The following BECN2 variants were observed in gnomAD, a reference collection of about 807,000 sequenced individuals.
BECN2 encodes the protein beclin-2.
For synonymous variants in BECN2, 173 were observed against 220.1 expected (o/e 0.79, Z 1.90); for missense variants, 428 against 507.9 (o/e 0.84, Z 1.51).
At position 241,958,557 on chromosome 1, in the gene BECN2, T is replaced by G. The variant is rs914214553; in HGVS notation, c.791T>G (p.Leu264Trp). 8.9e-6 allele frequency: 11 copies of G among 1,231,644 alleles called. No individual in the cohort carries two copies. Among genetic ancestry groups the G allele is most frequent in the Non-Finnish European group, 1.1e-5 (11 of 988,024 alleles). 76.3% of individuals were successfully genotyped at this position (1,231,644 alleles called of 1,614,324 possible). The change falls in exon 1 of 1, where the codon TTG becomes TGG. Residue 264 changes from leucine to tryptophan, a missense_variant. Coordinates refer to ENST00000419583, the MANE Select transcript of BECN2 (RefSeq NM_001290693.1). ...TTTGAGATCTGGGTGGAGGGCCCCT[T>G]GGGCGTCATCAATAACTTCAGGTTG... Reference protein sequence around the residue: ...ATFEIWVEGPLGVINNFRLGR... With the variant: ...ATFEIWVEGPWGVINNFRLGR...
At position 241,958,964 on chromosome 1, in the gene BECN2, C is replaced by G. The variant is rs1489741077; in HGVS notation, c.1198C>G (p.His400Asp). ...AGGGGAATGCTATTCCATCAGAACC[C>G]ATCTGAACACGCAGGAGCTGTGGAC... ...GRGECYSIRT[H>D]LNTQELWTKA... Residue 400 changes from histidine to aspartate, a missense_variant, in exon 1 of 1, where the codon CAT (histidine) becomes GAT (aspartate). Coordinates refer to ENST00000419583, the MANE Select transcript of BECN2 (RefSeq NM_001290693.1). 5.7e-6 allele frequency: 7 copies of G among 1,231,638 alleles called. No homozygotes were observed. The highest frequency in any genetic ancestry group is 3.1e-4 in the Middle Eastern group (1 of 3,230). 76.3% of individuals were successfully genotyped at this position (1,231,638 alleles called of 1,614,324 possible).
Position 241,957,882 on chromosome 1 carries a change from C to G in BECN2, c.116C>G (p.Pro39Arg). 8.1e-7 allele frequency: 1 copy of G among 1,231,342 alleles called. No homozygotes were observed. The highest frequency in any genetic ancestry group is 1.6e-5 in the African/African-American group (1 of 64,128). 76.3% of individuals were successfully genotyped at this position (1,231,342 alleles called of 1,614,324 possible). A position where few individuals can be genotyped will look rare whatever the true frequency, so the allele number is the denominator to read the frequency against. ...APAPTSGQAEPGDTREPGVTT... is the reference protein window; with the variant it reads ...APAPTSGQAERGDTREPGVTT... ...GCGCCCACCTCTGGGCAGGCTGAGCCCGGAGACACCCGGGAGCCCGGCGTC... is the reference window on the plus strand; with the variant it reads ...GCGCCCACCTCTGGGCAGGCTGAGCGCGGAGACACCCGGGAGCCCGGCGTC... Residue 39 changes from proline to arginine, a missense_variant, in exon 1 of 1, where the codon CCC (proline) becomes CGC (arginine). Pro to Arg is a moderately radical substitution (Grantham distance 103, BLOSUM62 -2). Coordinates refer to ENST00000419583, the MANE Select transcript of BECN2 (RefSeq NM_001290693.1).
rs149609148 is a variant in BECN2, at chr1:241,958,761, C to T, written c.995C>T (p.Pro332Leu). The change falls in exon 1 of 1, where the codon CCG (proline) becomes CTG (leucine). Residue 332 changes from proline (P) to leucine (L), a missense_variant. Transcript: ENST00000419583. ...TTAACAGATGACCGCACTGAGCTGCCGTTGTTCTGTTATGGGGGGCAGGAT... is the reference window on the plus strand; with the variant it reads ...TTAACAGATGACCGCACTGAGCTGCTGTTGTTCTGTTATGGGGGGCAGGAT... The part of the protein sequence containing the change: ...KSLTDDRTEL[P>L]LFCYGGQDVF... 207 of 1,231,732 alleles carry T rather than the reference C, an allele frequency of 1.7e-4. No individual in the cohort carries two copies. The highest frequency in any genetic ancestry group is 1.9e-4 in the Non-Finnish European group (187 of 988,028). 76.3% of individuals were successfully genotyped at this position (1,231,732 alleles called of 1,614,324 possible).
chr1:241,958,683 A>G lies in BECN2; in HGVS notation c.917A>G (p.Gln306Arg). The G allele has an allele frequency of 8.1e-7, 1 of 1,231,782 alleles. No individual in the cohort carries two copies. The highest frequency in any genetic ancestry group is 1.0e-6 in the Non-Finnish European group (1 of 988,018). 76.3% of individuals were successfully genotyped at this position (1,231,782 alleles called of 1,614,324 possible). The change falls in exon 1 of 1, where the codon CAG becomes CGG. Residue 306 changes from glutamine to arginine, a missense_variant. Physicochemically the swap from Gln to Arg is conservative, Grantham distance 43 (BLOSUM62 1). Coordinates refer to ENST00000419583, the MANE Select transcript of BECN2 (RefSeq NM_001290693.1). ...LLTLANTIGLQFQRYRLIPCG... is the reference protein window; with the variant it reads ...LLTLANTIGLRFQRYRLIPCG... ...ACCCTGGCCAATACAATTGGACTGC[A>G]GTTTCAGAGGTATCGACTCATCCCC...
Position 241,958,151 on chromosome 1 carries a change from C to G in BECN2, c.385C>G (p.Leu129Val). 1 of 1,232,032 alleles carries G rather than the reference C, an allele frequency of 8.1e-7. No individual in the cohort carries two copies. Among genetic ancestry groups the G allele is most frequent in the Non-Finnish European group, 1.0e-6 (1 of 988,148 alleles). The allele number at this position is 1,232,032 out of a possible 1,614,324, so 76.3% of individuals were successfully genotyped here. ...EECTDSLLEQ[L>V]DIQLALTEAD... is the part of the protein sequence containing the mutation. Reference sequence around the variant, plus strand: ...ATGCACCGACAGTCTTTTAGAGCAGCTGGACATCCAGCTCGCTCTCACAGA... The same window carrying G: ...ATGCACCGACAGTCTTTTAGAGCAGGTGGACATCCAGCTCGCTCTCACAGA... The change falls in exon 1 of 1, where the codon CTG becomes GTG. Residue 129 changes from leucine (L) to valine (V), a missense_variant. By Grantham distance (32) the Leu-to-Val change is conservative. Transcript: ENST00000419583.
In BECN2 at chr1:241,958,060, G is replaced by A; in HGVS notation, c.294G>A (p.Lys98=). ...TGCACATGCTCAGTAGCATCCAGAA[G>A]GCAGCTGGTGACATTTTTGACATAG... ...GAMHMLSSIQ[K]AAGDIFDIVS... Residue 98 remains lysine (K), a synonymous_variant, in exon 1 of 1, where the codon AAG becomes AAA. Coordinates refer to ENST00000419583, the MANE Select transcript of BECN2 (RefSeq NM_001290693.1). 1.6e-6 allele frequency: 2 copies of A among 1,232,060 alleles called. No individual in the cohort carries two copies. The highest frequency in any genetic ancestry group is 1.5e-5 in the African/African-American group (1 of 64,568). The allele number at this position is 1,232,060 out of a possible 1,614,324, so 76.3% of individuals were successfully genotyped here.
chr1:241,958,918 G>A lies in BECN2; in HGVS notation c.1152G>A (p.Leu384=). ...LPYGIQVETG[L]MEDVGGRGEC... ...ACGGGATCCAGGTGGAGACAGGCCT[G>A]ATGGAGGACGTTGGCGGCCGAGGGG... is the stretch of plus-strand genomic sequence containing the variant. Residue 384 remains leucine (L), a synonymous_variant, in exon 1 of 1, where the codon CTG becomes CTA. Transcript: ENST00000419583. The A allele has an allele frequency of 8.1e-7, 1 of 1,231,914 alleles. No individual in the cohort carries two copies. The highest frequency in any genetic ancestry group is 1.0e-6 in the Non-Finnish European group (1 of 988,114). 76.3% of individuals were successfully genotyped at this position (1,231,914 alleles called of 1,614,324 possible).
In BECN2 at chr1:241,958,086, T is replaced by C. The variant is rs1664456018; in HGVS notation, c.320T>C (p.Val107Ala). ...GCAGCTGGTGACATTTTTGACATAG[T>C]CTCTGGCCAAGCAGTTGTGGACCAT... is the stretch of plus-strand genomic sequence containing the variant. ...QKAAGDIFDI[V>A]SGQAVVDHPL... Residue 107 changes from valine (V) to alanine (A), a missense_variant, in exon 1 of 1, where the codon GTC (valine) becomes GCC (alanine). Val to Ala is a moderately conservative substitution (Grantham distance 64, BLOSUM62 0). Transcript: ENST00000419583. 1.6e-6 allele frequency: 2 copies of C among 1,231,816 alleles called. No individual in the cohort carries two copies. The highest frequency in any genetic ancestry group is 4.1e-5 in the South Asian group (1 of 24,324). The allele number at this position is 1,231,816 out of a possible 1,614,324, so 76.3% of individuals were successfully genotyped here.
chr1:241,958,006 C>A lies in BECN2; in HGVS notation c.240C>A (p.Ile80=). ...GTGTGTCCAAGGGCCATGCCAACAT[C>A]TTCACCCTGCTGGGGGAGCTTGGCG... The part of the protein sequence containing the change: ...DGSVSKGHAN[I]FTLLGELGAM... The change falls in exon 1 of 1, where the codon ATC becomes ATA. Residue 80 remains isoleucine, a synonymous_variant. Transcript: ENST00000419583. The A allele has an allele frequency of 1.6e-6, 2 of 1,231,932 alleles. No individual in the cohort carries two copies. 76.3% of individuals were successfully genotyped at this position (1,231,932 alleles called of 1,614,324 possible). A position where few individuals can be genotyped will look rare whatever the true frequency, so the allele number is the denominator to read the frequency against.
Position 241,958,154 on chromosome 1 carries a change from G to C in BECN2, c.388G>C (p.Asp130His). 2.4e-6 allele frequency: 3 copies of C among 1,232,026 alleles called. No individual in the cohort carries two copies. The highest frequency in any genetic ancestry group is 3.0e-6 in the Non-Finnish European group (3 of 988,148). The allele number at this position is 1,232,026 out of a possible 1,614,324, so 76.3% of individuals were successfully genotyped here. The change falls in exon 1 of 1, where the codon GAC (aspartate) becomes CAC (histidine). Residue 130 changes from aspartate (D) to histidine (H), a missense_variant. By Grantham distance (81) the Asp-to-His change is moderately conservative. Coordinates refer to ENST00000419583, the MANE Select transcript of BECN2 (RefSeq NM_001290693.1). The stretch of plus-strand genomic sequence containing the variant: ...CACCGACAGTCTTTTAGAGCAGCTG[G>C]ACATCCAGCTCGCTCTCACAGAAGC... ...ECTDSLLEQL[D>H]IQLALTEADS...
In BECN2 at chr1:241,958,903, G is replaced by T. The variant is rs548419621; in HGVS notation, c.1137G>T (p.Gln379His). The T allele has an allele frequency of 8.1e-7, 1 of 1,231,908 alleles. No individual in the cohort carries two copies. Among genetic ancestry groups the T allele is most frequent in the Non-Finnish European group, 1.0e-6 (1 of 988,128 alleles). The allele number at this position is 1,231,908 out of a possible 1,614,324, so 76.3% of individuals were successfully genotyped here. The change falls in exon 1 of 1, where the codon CAG becomes CAT. Residue 379 changes from glutamine to histidine, a missense_variant. Transcript: ENST00000419583. ...GCCTCTCTCTGCCCTACGGGATCCA[G>T]GTGGAGACAGGCCTGATGGAGGACG... ...ELGLSLPYGI[Q>H]VETGLMEDVG...
At position 241,957,905 on chromosome 1, in the gene BECN2, G is replaced by A; in HGVS notation, c.139G>A (p.Val47Ile). The change falls in exon 1 of 1, where the codon GTC (valine) becomes ATC (isoleucine). Residue 47 changes from valine to isoleucine, a missense_variant. Transcript: ENST00000419583. ...GCCCGGAGACACCCGGGAGCCCGGC[G>A]TCACCACCAGGGAGGTGACAGACGC... ...AEPGDTREPG[V>I]TTREVTDAEE... The A allele has an allele frequency of 8.1e-7, 1 of 1,231,012 alleles. No individual in the cohort carries two copies. Among genetic ancestry groups the A allele is most frequent in the Non-Finnish European group, 1.0e-6 (1 of 988,064 alleles). 76.3% of individuals were successfully genotyped at this position (1,231,012 alleles called of 1,614,324 possible).
In BECN2 at chr1:241,958,928, G is replaced by T. The variant is rs1664474421; in HGVS notation, c.1162G>T (p.Val388Phe). Reference protein sequence around the residue: ...IQVETGLMEDVGGRGECYSIR... With the variant: ...IQVETGLMEDFGGRGECYSIR... ...GGTGGAGACAGGCCTGATGGAGGAC[G>T]TTGGCGGCCGAGGGGAATGCTATTC... Residue 388 changes from valine to phenylalanine, a missense_variant, in exon 1 of 1, where the codon GTT becomes TTT. By Grantham distance (50) the Val-to-Phe change is conservative. Transcript: ENST00000419583. 1 of 1,231,734 alleles carries T rather than the reference G, an allele frequency of 8.1e-7. No individual in the cohort carries two copies. The highest frequency in any genetic ancestry group is 4.1e-5 in the South Asian group (1 of 24,314). The allele number at this position is 1,231,734 out of a possible 1,614,324, so 76.3% of individuals were successfully genotyped here.
In BECN2 at chr1:241,958,266, G is replaced by A. The variant is rs755412110; in HGVS notation, c.500G>A (p.Arg167Gln). 3.2e-6 allele frequency: 4 copies of A among 1,233,956 alleles called. No homozygotes were observed. The highest frequency in any genetic ancestry group is 6.3e-5 in the East Asian group (2 of 31,766). The allele number at this position is 1,233,956 out of a possible 1,614,324, so 76.4% of individuals were successfully genotyped here. The change falls in exon 1 of 1, where the codon CGG becomes CAG. Residue 167 changes from arginine (R) to glutamine (Q), a missense_variant. Coordinates refer to ENST00000419583, the MANE Select transcript of BECN2 (RefSeq NM_001290693.1). ...DEAAALRAEL[R>Q]DLELEEARLV... ...GCGGCGGCGCTGCGGGCGGAGCTGC[G>A]GGACCTGGAGCTGGAGGAGGCCAGG...
Position 241,958,596 on chromosome 1 carries a change from C to T in BECN2, c.830C>T (p.Thr277Ile). The change falls in exon 1 of 1, where the codon ACT becomes ATT. Residue 277 changes from threonine to isoleucine, a missense_variant. Thr to Ile is a moderately conservative substitution (Grantham distance 89, BLOSUM62 -1). Coordinates refer to ENST00000419583, the MANE Select transcript of BECN2 (RefSeq NM_001290693.1). ...INNFRLGRLP[T>I]VRVGWNEINT... ...AACTTCAGGTTGGGCCGCCTCCCCA[C>T]TGTCCGTGTGGGCTGGAATGAGATT... 1 of 1,231,786 alleles carries T rather than the reference C, an allele frequency of 8.1e-7. No individual in the cohort carries two copies. The highest frequency in any genetic ancestry group is 1.0e-6 in the Non-Finnish European group (1 of 988,016). The allele number at this position is 1,231,786 out of a possible 1,614,324, so 76.3% of individuals were successfully genotyped here. A position where few individuals can be genotyped will look rare whatever the true frequency, so the allele number is the denominator to read the frequency against.
chr1:241,958,641 C>T lies in BECN2; in HGVS notation c.875C>T (p.Ala292Val). ...GAGATTAACACTGCCTGGGGACAGG[C>T]GGCCTTGCTGCTCCTTACCCTGGCC... The part of the protein sequence containing the change: ...WNEINTAWGQ[A>V]ALLLLTLANT... The change falls in exon 1 of 1, where the codon GCG becomes GTG. Residue 292 changes from alanine (A) to valine (V), a missense_variant. Ala to Val is a moderately conservative substitution (Grantham distance 64, BLOSUM62 0). Transcript: ENST00000419583. 2 of 1,231,812 alleles carry T rather than the reference C, an allele frequency of 1.6e-6. No individual in the cohort carries two copies. The allele number at this position is 1,231,812 out of a possible 1,614,324, so 76.3% of individuals were successfully genotyped here.
chr1:241,958,890 C>A lies in BECN2; in HGVS notation c.1124C>A (p.Pro375His). The change falls in exon 1 of 1, where the codon CCC (proline) becomes CAC (histidine). Residue 375 changes from proline (P) to histidine (H), a missense_variant. Coordinates refer to ENST00000419583, the MANE Select transcript of BECN2 (RefSeq NM_001290693.1). ...AEKGELGLSL[P>H]YGIQVETGLM... ...AAGGGTGAGCTGGGCCTCTCTCTGC[C>A]CTACGGGATCCAGGTGGAGACAGGC... 1 of 1,231,718 alleles carries A rather than the reference C, an allele frequency of 8.1e-7. No homozygotes were observed. The highest frequency in any genetic ancestry group is 3.2e-5 in the East Asian group (1 of 31,718). 76.3% of individuals were successfully genotyped at this position (1,231,718 alleles called of 1,614,324 possible). A position where few individuals can be genotyped will look rare whatever the true frequency, so the allele number is the denominator to read the frequency against.
Position 241,958,169 on chromosome 1 carries a change from C to T in BECN2, c.403C>T (p.Leu135Phe). Residue 135 changes from leucine to phenylalanine, a missense_variant, in exon 1 of 1, where the codon CTC becomes TTC. Coordinates refer to ENST00000419583, the MANE Select transcript of BECN2 (RefSeq NM_001290693.1). Reference protein sequence around the residue: ...LLEQLDIQLALTEADSQNYQR... With the variant: ...LLEQLDIQLAFTEADSQNYQR... ...AGAGCAGCTGGACATCCAGCTCGCT[C>T]TCACAGAAGCTGACAGTCAGAACTA... 2 of 1,232,098 alleles carry T rather than the reference C, an allele frequency of 1.6e-6. No individual in the cohort carries two copies. The allele number at this position is 1,232,098 out of a possible 1,614,324, so 76.3% of individuals were successfully genotyped here.
Position 241,958,422 on chromosome 1 carries a change from A to G in BECN2, c.656A>G (p.Lys219Arg). Reference protein sequence around the residue: ...RQHYRDYSALKRQQLELLDQL... With the variant: ...RQHYRDYSALRRQQLELLDQL... ...CACTACAGGGACTACAGTGCCTTGAAGCGGCAGCAGCTGGAACTGCTTGAT... is the reference window on the plus strand; with the variant it reads ...CACTACAGGGACTACAGTGCCTTGAGGCGGCAGCAGCTGGAACTGCTTGAT... The change falls in exon 1 of 1, where the codon AAG (lysine) becomes AGG (arginine). Residue 219 changes from lysine (K) to arginine (R), a missense_variant. By Grantham distance (26) the Lys-to-Arg change is conservative. Coordinates refer to ENST00000419583, the MANE Select transcript of BECN2 (RefSeq NM_001290693.1). The G allele has an allele frequency of 1.6e-6, 2 of 1,231,938 alleles. No individual in the cohort carries two copies. Among genetic ancestry groups the G allele is most frequent in the Non-Finnish European group, 2.0e-6 (2 of 988,102 alleles). The allele number at this position is 1,231,938 out of a possible 1,614,324, so 76.3% of individuals were successfully genotyped here.
Sources: gnomAD v4.1 joint callset for allele counts on GRCh38, gnomAD v4.1.1 for gene constraint, MANE v1.5 for transcripts, NCBI Gene and HGNC (gene_info 2026-07-23, HGNC 2026-07-21) for gene names.